Variants in ADAM12 observed in about 807,000 individuals in gnomAD.
ADAM12 encodes disintegrin and metalloproteinase domain-containing protein 12.
Under a neutral mutation model 106.4 loss-of-function variants are expected in ADAM12, and 70 were observed. The observed-to-expected ratio is 0.66, with a 90% CI of 0.54 to 0.80. The LOEUF (loss-of-function observed/expected upper bound fraction) is 0.80. ADAM12 is among the 30% of genes least tolerant of loss of function. The pLI is 0.00. For missense variants in ADAM12, 1,010 were observed against 1,171.9 expected (o/e 0.86, Z 2.02); for synonymous variants, 420 against 433.5 (o/e 0.97, Z 0.39).
At chr10:126,346,023 G>T (rs1461120877) in intron 1 of ADAM12, among the ~76,000 whole-genome samples, 9 of 152,080 alleles carry the variant, frequency 5.9e-5, no homozygotes, top group Non-Finnish European at 2.9e-5. Flanking sequence ...GTCTCCTTCA[G>T]TTCTGCTCTG....
At chr10:126,149,488 A>G (rs1451041639) in intron 4 of ADAM12, among the ~76,000 whole-genome samples, 2 of 152,186 alleles carry the variant, frequency 1.3e-5, no homozygotes, top group African/African-American at 4.8e-5. Context: ...GATGCAAAGT[A>G]TTATTCCTGG....
chr10:126,223,867 A>G (rs989306250), intron 3 of ADAM12, among the ~76,000 whole-genome samples: 9 of 152,218 alleles, frequency 5.9e-5, no homozygotes, highest in African/African-American at 1.9e-4. Context: ...TGTGAGGCCA[A>G]TGCTGGTACT....
At chr10:126,162,128 G>T (rs1674925) in intron 3 of ADAM12, among the ~76,000 whole-genome samples, 23,717 of 152,128 alleles carry the variant, frequency 0.16, 2,000 homozygotes, top group Non-Finnish European at 0.19. Flanking sequence ...CACTGCTGAA[G>T]GACACAGACC....
intron 1 of ADAM12, among the ~76,000 whole-genome samples, chr10:126,354,214 T>A (rs1045849274): frequency 6.6e-6 from 1 of 152,216 alleles, no homozygotes; most frequent in African/African-American, 2.4e-5. Flanking sequence ...GGTAAATTTA[T>A]GGGTTGTCAC....
intron 6 of ADAM12, among the ~76,000 whole-genome samples, chr10:126,116,273 A>G (rs61019257): frequency 0.049 from 7,424 of 152,288 alleles, 637 homozygotes; most frequent in African/African-American, 0.17. Flanking sequence ...GGCAACGTGC[A>G]TTCAACAAGG....
At chr10:126,221,404 A>AAAAG (rs1440962905) in intron 3 of ADAM12, among the ~76,000 whole-genome samples, 32 of 149,920 alleles carry the variant, frequency 2.1e-4, no homozygotes, top group African/African-American at 6.2e-4. Context: ...AAAAAAAAAA[A>AAAAG]AAAGAAAGAA....
intron 3 of ADAM12, among the ~76,000 whole-genome samples, chr10:126,239,110 T>A (rs4379744): frequency 6.6e-6 from 1 of 152,240 alleles, no homozygotes; most frequent in African/African-American, 2.4e-5. Context: ...TTTTTTAGCA[T>A]GCAGTAAGGG....
chr10:126,243,370 T>G (rs1309046019), intron 3 of ADAM12, among the ~76,000 whole-genome samples: 1 of 152,210 alleles, frequency 6.6e-6, no homozygotes, highest in African/African-American at 2.4e-5. Flanking sequence ...TATTGATCTC[T>G]TACTCTGTTC....
intron 3 of ADAM12, among the ~76,000 whole-genome samples, chr10:126,170,416 T>C (rs1219019700): frequency 6.6e-5 from 10 of 150,812 alleles, no homozygotes; most frequent in African/African-American, 2.5e-4. Flanking sequence ...GAAATGGATG[T>C]GTTTTTCCTT....
At chr10:126,151,474 G>A (rs995848177) in intron 4 of ADAM12, among the ~76,000 whole-genome samples, 3 of 152,104 alleles carry the variant, frequency 2.0e-5, no homozygotes, top group Non-Finnish European at 4.4e-5. Flanking sequence ...TTGGTCAGAA[G>A]TATTTTTAAA....
intron 3 of ADAM12, among the ~76,000 whole-genome samples, chr10:126,218,516 C>T (rs1958030593): frequency 6.6e-6 from 1 of 152,166 alleles, no homozygotes; most frequent in East Asian, 1.9e-4. Flanking sequence ...TTGGTACTTC[C>T]TCCCTGCAGG....
intron 1 of ADAM12, among the ~76,000 whole-genome samples, chr10:126,369,108 T>C (rs944957894): frequency 6.6e-6 from 1 of 152,224 alleles, no homozygotes; most frequent in African/African-American, 2.4e-5. Context: ...ATCAAATATT[T>C]GGATACATGG....
intron 3 of ADAM12, among the ~76,000 whole-genome samples, chr10:126,156,521 A>T (rs1389128628): frequency 6.6e-6 from 1 of 152,212 alleles, no homozygotes; most frequent in African/African-American, 2.4e-5. Flanking sequence ...GGGCCCCCTC[A>T]CACCCTGAGG....
intron 18 of ADAM12, chr10:126,041,858 TG>T: frequency 2.3e-5 from 30 of 1,283,506 alleles, no homozygotes; most frequent in Non-Finnish European, 2.9e-5. Flanking sequence ...CCTGCCAGAG[TG>T]GTAACCTGCT....
rs546656313 is a variant in ADAM12 at position 126,254,836 on chromosome 10, T to G, written c.260+24079A>C. On this transcript the variant is annotated intron_variant, in intron 3 of 22. Transcript: ENST00000448723. ...GCTTCAAGACAATAGGACTTAAGAG[T>G]GTACTGACAGCCTGGAACTGTCATT... Among the ~76,000 whole-genome samples, 384 of 152,250 alleles carry G rather than the reference T, an allele frequency of 2.5e-3. 2 individuals are homozygous for G. Among genetic ancestry groups the G allele is most frequent in the African/African-American group, 8.9e-3 (370 of 41,550 alleles).
At chr10:126,294,898 A>ATGTG (rs34255814) in intron 2 of ADAM12, among the ~76,000 whole-genome samples, 44 of 150,390 alleles carry the variant, frequency 2.9e-4, no homozygotes, top group East Asian at 7.9e-4. Context: ...TTGTGTGTAG[A>ATGTG]TGTGTGTGTG....
chr10:126,123,642 C>T (rs1476241074), intron 5 of ADAM12, among the ~76,000 whole-genome samples: 4 of 152,184 alleles, frequency 2.6e-5, no homozygotes, highest in East Asian at 3.9e-4. Context: ...CTGCAGCTCC[C>T]GCCATGACCC....
chr10:126,199,278 G>A (rs1957653695), intron 3 of ADAM12, among the ~76,000 whole-genome samples: 1 of 152,162 alleles, frequency 6.6e-6, no homozygotes, highest in African/African-American at 2.4e-5. Flanking sequence ...ACCCAGCCCT[G>A]CTGAAAACTT....
At chr10:126,279,955 T>G (rs1202856414) in intron 2 of ADAM12, among the ~76,000 whole-genome samples, 1 of 152,238 alleles carries the variant, frequency 6.6e-6, no homozygotes, top group Non-Finnish European at 1.5e-5. Context: ...ATTTCGGTAC[T>G]AGGCTTGTAT....
Sources: allele counts gnomAD v4.1 joint callset (sites outside exome capture counted in the v4.1 genomes callset), GRCh38; gene constraint gnomAD v4.1.1; transcripts MANE v1.5; gene names NCBI Gene and HGNC (gene_info 2026-07-23, HGNC 2026-07-21).